CDH18: variants seen among roughly 807,000 people sequenced by gnomAD.
CDH18 encodes cadherin-18.
CDH18 carries 31 observed loss-of-function variants against 67.9 expected under a neutral mutation model. The observed-to-expected ratio is 0.46, with a 90% CI of 0.34 to 0.62. The LOEUF is 0.62. CDH18 is among the 20% of genes least tolerant of loss of function. CDH18 has a pLI of 0.01. For missense variants in CDH18, 890 were observed against 975.5 expected, an observed-to-expected ratio of 0.91 and a Z score of 1.17; for synonymous variants, 362 against 347.2, an observed-to-expected ratio of 1.04 and a Z score of -0.48.
intron 2 of CDH18, among the ~76,000 whole-genome samples, chr5:20,185,431 T>C (rs1738020266): frequency 6.6e-6 from 1 of 152,074 alleles, no homozygotes; most frequent in African/African-American, 2.4e-5. Flanking sequence ...CTCCGTTGCC[T>C]GCCCATGTCA....
intron 2 of CDH18, among the ~76,000 whole-genome samples, chr5:19,863,564 G>A (rs1464995697): frequency 3.9e-5 from 6 of 152,100 alleles, no homozygotes; most frequent in African/African-American, 1.2e-4. Flanking sequence ...CCATGACACC[G>A]TTAATTGGGC....
At chr5:19,513,748 C>T (rs1326465634) in intron 10 of CDH18, among the ~76,000 whole-genome samples, 1 of 151,902 alleles carries the variant, frequency 6.6e-6, no homozygotes, top group Non-Finnish European at 1.5e-5. Flanking sequence ...TTTATATGGA[C>T]TTATTTACAT....
At chr5:20,470,598 T>C (rs1021572927) in intron 1 of CDH18, among the ~76,000 whole-genome samples, 2 of 152,156 alleles carry the variant, frequency 1.3e-5, no homozygotes, top group African/African-American at 4.8e-5. Flanking sequence ...CATGCCTGCA[T>C]ACATCACCTT....
At chr5:19,626,153 G>T (rs961884612) in intron 5 of CDH18, among the ~76,000 whole-genome samples, 1 of 152,076 alleles carries the variant, frequency 6.6e-6, no homozygotes, top group Non-Finnish European at 1.5e-5. Flanking sequence ...CTTTTTCATG[G>T]GGAGAGGACA....
chr5:20,418,692 GACA>G (rs1747558554), intron 1 of CDH18, among the ~76,000 whole-genome samples: 1 of 151,950 alleles, frequency 6.6e-6, no homozygotes, highest in Non-Finnish European at 1.5e-5. Context: ...TTAATTGTAA[GACA>G]ACTTAAGTTT....
intron 5 of CDH18, among the ~76,000 whole-genome samples, chr5:19,673,205 A>ATTAC (rs1758991956): frequency 6.6e-6 from 1 of 152,104 alleles, no homozygotes; most frequent in Admixed American, 6.6e-5. Flanking sequence ...ACTGCCAGGA[A>ATTAC]TTACTAGGAA....
At chr5:20,255,603 G>C (rs2126612232) in intron 1 of CDH18, 1 of 151,408 alleles carries the variant, frequency 6.6e-6, no homozygotes, top group South Asian at 2.1e-4. Context: ...AAACAAAGCT[G>C]AGTTTGGAGA....
intron 1 of CDH18, among the ~76,000 whole-genome samples, chr5:20,318,329 A>G (rs1216226732): frequency 6.6e-6 from 1 of 152,188 alleles, no homozygotes; most frequent in Non-Finnish European, 1.5e-5. Flanking sequence ...TGTGTAAAAA[A>G]GACTATTGTC....
rs559050316 is a variant in CDH18 at position 20,243,213 on chromosome 5, T to C, written c.-518+12231A>G. Among the ~76,000 whole-genome samples, 4 of 152,268 alleles carry C rather than the reference T, an allele frequency of 2.6e-5. No individual in the cohort carries two copies. In the South Asian group the frequency reaches 6.2e-4, roughly 24 times the overall value. ...GAGAAACAGGCATAGGAGTTGTCCA[T>C]AGGCTGTGCCTGGAAGAGGACATCT... On this transcript the variant is annotated intron_variant, in intron 2 of 14. Transcript: ENST00000507958.
At chr5:20,267,174 A>G (rs1416152350) in intron 1 of CDH18, among the ~76,000 whole-genome samples, 1 of 152,160 alleles carries the variant, frequency 6.6e-6, no homozygotes, top group African/African-American at 2.4e-5. Flanking sequence ...TCCCAGTACC[A>G]TTTCCTAAAA....
chr5:19,493,022 A>G (rs1370530590), intron 11 of CDH18, among the ~76,000 whole-genome samples: 2 of 152,114 alleles, frequency 1.3e-5, no homozygotes, highest in Admixed American at 1.3e-4. Flanking sequence ...GATTTTTCCA[A>G]CCAAGTAATT....
At chr5:19,497,825 G>A (rs948594522) in intron 11 of CDH18, among the ~76,000 whole-genome samples, 6 of 152,136 alleles carry the variant, frequency 3.9e-5, no homozygotes, top group African/African-American at 7.2e-5. Context: ...ATAGTTGCTC[G>A]TAGGAGTTAC....
Position 19,968,295 on chromosome 5 carries a change from C to T in CDH18, c.-257+12765G>A, listed in dbSNP as rs374196145. On this transcript the variant is annotated intron_variant, in intron 2 of 12. Coordinates refer to ENST00000382275, the MANE Select transcript of CDH18 (RefSeq NM_004934.5). ...GGTAATTTATAGATTCAATGCCATC[C>T]CCATCAAGCTACCAATGACTTTCTT... Among the ~76,000 whole-genome samples, 91 of 152,082 alleles carry T rather than the reference C, an allele frequency of 6.0e-4. No homozygotes were observed. In the South Asian group the frequency reaches 0.016, roughly 27 times the overall value.
In CDH18 at chr5:20,333,898, A is replaced by G. The variant is rs1739435829; in HGVS notation, c.-579-78393T>C. On this transcript the variant is annotated intron_variant, in intron 1 of 14. Coordinates refer to the CDH18 transcript ENST00000507958. ...AAGATGAGTTTGAAGGGCTAAAAAG[A>G]CATAAGTTATTCCTATCATAAGTAA... Among the ~76,000 whole-genome samples, 4 of 87,000 alleles carry G rather than the reference A, an allele frequency of 4.6e-5. No individual in the cohort carries two copies. In the South Asian group the frequency reaches 1.7e-3, roughly 36 times the overall value. The allele number at this position is 87,000 out of a possible 152,430, so 57.1% of individuals were successfully genotyped here.
At chr5:20,065,915 A>G (rs72743025) in intron 2 of CDH18, among the ~76,000 whole-genome samples, 43,751 of 151,862 alleles carry the variant, frequency 0.29, 7,767 homozygotes, top group Non-Finnish European at 0.38. Context: ...TGTTTAACAT[A>G]AGTTTATATT....
chr5:19,991,269 T>A (rs1799965414), upstream of CDH18, among the ~76,000 whole-genome samples: 1 of 152,190 alleles, frequency 6.6e-6, no homozygotes, highest in African/African-American at 2.4e-5. Context: ...ATAATTCAGT[T>A]TTTAGAGCGG....
At chr5:19,920,920 C>CACACACAT (rs1394819563) in intron 2 of CDH18, among the ~76,000 whole-genome samples, 5 of 151,662 alleles carry the variant, frequency 3.3e-5, no homozygotes, top group Admixed American at 1.3e-4. Context: ...CACACACACA[C>CACACACAT]ATCACCACAG....
At chr5:20,339,727 T>C (rs934987840) in intron 1 of CDH18, among the ~76,000 whole-genome samples, 1 of 152,178 alleles carries the variant, frequency 6.6e-6, no homozygotes, top group African/African-American at 2.4e-5. Flanking sequence ...CTCTTTTCTA[T>C]ACAGGACTTA....
chr5:20,249,198 C>A (rs1743617158), intron 2 of CDH18, among the ~76,000 whole-genome samples: 1 of 151,978 alleles, frequency 6.6e-6, no homozygotes, highest in Admixed American at 6.6e-5. Context: ...AAGCAAAATT[C>A]ATTATGTGAT....
Sources: gnomAD v4.1 joint callset for allele counts (sites outside exome capture counted in the v4.1 genomes callset) on GRCh38, gnomAD v4.1.1 for gene constraint, MANE v1.5 for transcripts, NCBI Gene and HGNC (gene_info 2026-07-23, HGNC 2026-07-21) for gene names.